PARL: variants seen among roughly 807,000 people sequenced by gnomAD.
The protein encoded by PARL is presenilin associated rhomboid like.
A neutral mutation model predicts 51.6 loss-of-function variants in PARL; 44 were observed. That is an observed-to-expected ratio of 0.85 (90% confidence interval 0.67 to 1.10). The LOEUF (loss-of-function observed/expected upper bound fraction) is 1.10, where lower values mean the gene tolerates loss of function less well. Ranked by LOEUF, PARL falls within the 50% of genes least tolerant of loss-of-function variation. PARL has a pLI of 0.00. For synonymous variants in PARL, 172 were observed against 164.0 expected (o/e 1.05, Z -0.37); for missense variants, 441 against 469.5 (o/e 0.94, Z 0.56).
At chr3:183,872,529 A>G (rs1733332090) in intron 1 of PARL, among the ~76,000 whole-genome samples, 1 of 152,238 alleles carries the variant, frequency 6.6e-6, no homozygotes, top group East Asian at 1.9e-4. Flanking sequence ...CTGTTGCTCT[A>G]AATGGCTCTT....
chr3:183,876,914 TAGAA>T (rs1330181629), intron 1 of PARL, among the ~76,000 whole-genome samples: 7 of 152,108 alleles, frequency 4.6e-5, no homozygotes, highest in Non-Finnish European at 7.4e-5. Flanking sequence ...GCGGTAGAAA[TAGAA>T]AGAGAACTAG....
chr3:183,835,816 C>A (rs1329548426), intron 7 of PARL, among the ~76,000 whole-genome samples: 1 of 152,018 alleles, frequency 6.6e-6, no homozygotes, highest in Non-Finnish European at 1.5e-5. Flanking sequence ...GCCTGGGCGA[C>A]AGAGTGACAC....
intron 4 of PARL, among the ~76,000 whole-genome samples, chr3:183,850,485 C>G (rs1417880336): frequency 6.6e-6 from 1 of 152,184 alleles, no homozygotes; most frequent in Non-Finnish European, 1.5e-5. Flanking sequence ...TGCAAAGACC[C>G]TATTTCAAGT....
intron 1 of PARL, 83 bp downstream of exon 1, chr3:183,884,639 C>T: frequency 7.1e-7 from 1 of 1,407,842 alleles, no homozygotes; most frequent in Non-Finnish European, 9.7e-7. Context: ...GCACAAGAGG[C>T]CCAGACGGCC....
chr3:183,842,963 C>G (rs890318327), intron 5 of PARL, among the ~76,000 whole-genome samples: 2 of 149,994 alleles, frequency 1.3e-5, no homozygotes, highest in African/African-American at 4.9e-5. Flanking sequence ...TCAACTTCCT[C>G]AAGTTGAGGC....
Position 183,833,601 on chromosome 3 carries a change from C to G in PARL, c.931-12G>C. 6.3e-7 allele frequency: 1 copy of G among 1,590,596 alleles called. No homozygotes were observed. Among genetic ancestry groups the G allele is most frequent in the Non-Finnish European group, 8.6e-7 (1 of 1,158,454 alleles). On this transcript the variant is annotated splice_polypyrimidine_tract_variant and intron_variant, in intron 8 of 9. Transcript: ENST00000317096. ...ATGGCTTTCAGGGCCTGAAAGGCAG[C>G]AAGAAACAAGCGGCACAACTGTGAT...
chr3:183,844,239 G>C lies in PARL; in HGVS notation c.599C>G (p.Pro200Arg), dbSNP rs973786882. The C allele has an allele frequency of 6.3e-7, 1 of 1,586,178 alleles. No individual in the cohort carries two copies. Among genetic ancestry groups the C allele is most frequent in the Admixed American group, 1.7e-5 (1 of 59,992 alleles). Residue 200 changes from proline to arginine, a missense_variant, in exon 5 of 10, where the codon CCA becomes CGA. Transcript: ENST00000317096. ...RTMIRYFTSN[P>R]ASKVLCSPML... ...ACACAAGTTAGACTTACTTGAGGCT[G>C]GATTCGATGTGAAATATCTGATCAT...
rs780979373 is a variant in PARL, at chr3:183,829,574, C to T, written c.*24G>A. 5.0e-6 allele frequency: 8 copies of T among 1,614,178 alleles called. No homozygotes were observed. In the African/African-American group the frequency reaches 5.3e-5, roughly 11 times the overall value. On this transcript the variant is annotated 3_prime_UTR_variant, in exon 10 of 10. Transcript: ENST00000317096. ...GCTCTCAGGCGGCAAGGACCAGATG[C>T]ACCACTACTGTCCAATCCCAGTTTT...
chr3:183,864,940 A>C, intron 3 of PARL, among the ~76,000 whole-genome samples: 1 of 142,654 alleles, frequency 7.0e-6, no homozygotes. Context: ...CATCTCGAGC[A>C]CAGTTTAGAG....
intron 1 of PARL, among the ~76,000 whole-genome samples, chr3:183,875,368 T>C (rs1357505729): frequency 1.4e-5 from 2 of 145,346 alleles, no homozygotes; most frequent in African/African-American, 5.3e-5. Context: ...TGAGCTGAGA[T>C]TGTGCCACTG....
At chr3:183,869,006 T>C (rs1732860834) in intron 1 of PARL, among the ~76,000 whole-genome samples, 1 of 152,180 alleles carries the variant, frequency 6.6e-6, no homozygotes, top group East Asian at 1.9e-4. Context: ...TGATCATGCC[T>C]CCTAGTCCTA....
At chr3:183,829,075 C>CT (rs1727626198), downstream of PARL, among the ~76,000 whole-genome samples, 1 of 152,188 alleles carries the variant, frequency 6.6e-6, no homozygotes, top group Non-Finnish European at 1.5e-5. Context: ...CTGAAAATAG[C>CT]TTTTTGTATA....
At chr3:183,842,809 A>AAC (rs1210174790) in intron 5 of PARL, among the ~76,000 whole-genome samples, 13 of 79,060 alleles carry the variant, frequency 1.6e-4, no homozygotes, top group Non-Finnish European at 2.4e-4. Flanking sequence ...CTCTATCTCA[A>AAC]AAAAAAAAAA....
In PARL at chr3:183,844,237, C is replaced by T; in HGVS notation, c.601G>A (p.Ala201Thr). 6.3e-7 allele frequency: 1 copy of T among 1,583,144 alleles called. No individual in the cohort carries two copies. Among genetic ancestry groups the T allele is most frequent in the Non-Finnish European group, 8.7e-7 (1 of 1,153,094 alleles). Residue 201 changes from alanine to threonine, a missense_variant, in exon 5 of 10, where the codon GCC becomes ACC. By Grantham distance (58) the Ala-to-Thr change is moderately conservative (BLOSUM62 0). Transcript: ENST00000317096. Reference sequence around the variant, plus strand: ...TCACACAAGTTAGACTTACTTGAGGCTGGATTCGATGTGAAATATCTGATC... The same window carrying T: ...TCACACAAGTTAGACTTACTTGAGGTTGGATTCGATGTGAAATATCTGATC... ...TMIRYFTSNP[A>T]SKVLCSPMLL...
At chr3:183,870,590 G>A (rs1733075130) in intron 1 of PARL, among the ~76,000 whole-genome samples, 1 of 152,070 alleles carries the variant, frequency 6.6e-6, no homozygotes, top group South Asian at 2.1e-4. Context: ...TTTCCTAGCA[G>A]ATCTCCTTGC....
chr3:183,868,561 C>T lies in PARL; in HGVS notation c.126-501G>A, dbSNP rs1033418202. Among the ~76,000 whole-genome samples the T allele has an allele frequency of 4.6e-5, 7 of 152,256 alleles. No individual in the cohort carries two copies. In the South Asian group the frequency reaches 1.4e-3, roughly 32 times the overall value. The stretch of plus-strand genomic sequence containing the variant: ...AAGTAGCTGGGACTACAAGCGTAGG[C>T]TACCACATTGTTAATTTTTGTACCT... On this transcript the variant is annotated intron_variant, in intron 1 of 9. Coordinates refer to ENST00000317096, the MANE Select transcript of PARL (RefSeq NM_018622.7).
rs1273547883 is a variant in PARL at position 183,862,763 on chromosome 3, C to G, written c.501G>C (p.Arg167=). The G allele has an allele frequency of 1.2e-5, 20 of 1,613,394 alleles. No homozygotes were observed. The highest frequency in any genetic ancestry group is 1.7e-5 in the Non-Finnish European group (20 of 1,179,442). ...KWWNNLSDGQ[R]TVTGIIAANV... ...TAAGCTAACACAAACCTGTCACAGTCCGCTGGCCATCACTTAGGTTATTCC... is the reference window on the plus strand; with the variant it reads ...TAAGCTAACACAAACCTGTCACAGTGCGCTGGCCATCACTTAGGTTATTCC... Residue 167 remains arginine, a synonymous_variant, in exon 4 of 10, where the codon CGG becomes CGC. Transcript: ENST00000317096.
intron 9 of PARL, among the ~76,000 whole-genome samples, chr3:183,831,967 T>C (rs1212125622): frequency 1.3e-5 from 2 of 152,104 alleles, no homozygotes; most frequent in Admixed American, 6.6e-5. Flanking sequence ...TTCAGATGAA[T>C]AAAAATCTAC....
chr3:183,839,415 T>TTGAGACAGGGTCTTGTTCTG (rs1159708762), intron 7 of PARL, among the ~76,000 whole-genome samples: 1 of 152,290 alleles, frequency 6.6e-6, no homozygotes, highest in South Asian at 2.1e-4. Flanking sequence ...TTTTTTTTCT[T>TTGAGACAGGGTCTTGTTCTG]TGAGACAGGG....
Sources: allele counts gnomAD v4.1 joint callset (sites outside exome capture counted in the v4.1 genomes callset), GRCh38; gene constraint gnomAD v4.1.1; transcripts MANE v1.5; gene names NCBI Gene and HGNC (gene_info 2026-07-23, HGNC 2026-07-21).